Variants in CDADC1 observed in about 807,000 individuals in gnomAD.
The protein encoded by CDADC1 is cytidine and dCMP deaminase domain containing 1.
In CDADC1, 39 loss-of-function variants were observed where a neutral mutation model predicts 54.9. That is an observed-to-expected ratio of 0.71 (90% confidence interval 0.55 to 0.93). The LOEUF is 0.93. Ranked by LOEUF, CDADC1 falls within the 40% of genes least tolerant of loss-of-function variation. CDADC1 has a pLI of 0.00. For synonymous variants in CDADC1, 186 were observed against 204.0 expected (o/e 0.91, Z 0.75); for missense variants, 518 against 618.8 (o/e 0.84, Z 1.73).
intron 9 of CDADC1, among the ~76,000 whole-genome samples, 193 bp downstream of exon 9, chr13:49,286,475 T>C (rs1953517943): frequency 6.6e-6 from 1 of 152,244 alleles, no homozygotes; most frequent in African/African-American, 2.4e-5. Context: ...AAGTGCCGAT[T>C]AATAATTACT....
intron 8 of CDADC1, among the ~76,000 whole-genome samples, chr13:49,282,062 C>A (rs12385878): frequency 0.3 from 44,926 of 151,774 alleles, 6,716 homozygotes; most frequent in East Asian, 0.47. Flanking sequence ...AGGTGATACA[C>A]CGGCCTCGGC....
intron 4 of CDADC1, among the ~76,000 whole-genome samples, chr13:49,264,186 G>A (rs1330631633): frequency 2.0e-5 from 3 of 152,126 alleles, no homozygotes; most frequent in African/African-American, 7.2e-5. Context: ...AATTATTTGG[G>A]TACTTGCTTT....
At chr13:49,255,785 AG>A in intron 2 of CDADC1, 53 bp from the exon 3 acceptor site, 1 of 1,583,976 alleles carries the variant, frequency 6.3e-7, no homozygotes, top group Non-Finnish European at 8.6e-7. Context: ...ATATTGAATT[AG>A]TCATATGTCT....
At chr13:49,262,018 A>G (rs1952697700) in intron 4 of CDADC1, among the ~76,000 whole-genome samples, 1 of 152,200 alleles carries the variant, frequency 6.6e-6, no homozygotes, top group South Asian at 2.1e-4. Flanking sequence ...ACCCCATGCT[A>G]TAGCTAGATT....
At chr13:49,256,091 A>G (rs543225794) in intron 3 of CDADC1, among the ~76,000 whole-genome samples, 178 bp downstream of exon 3, 1 of 147,540 alleles carries the variant, frequency 6.8e-6, no homozygotes, top group East Asian at 2.0e-4. Context: ...AAAAAAAAGT[A>G]CAGATGGGAT....
Position 49,247,956 on chromosome 13 carries a change from A to G in CDADC1, c.-82A>G, listed in dbSNP as rs1439804991. The G allele has an allele frequency of 1.6e-6, 2 of 1,265,316 alleles. No individual in the cohort carries two copies. Among genetic ancestry groups the G allele is most frequent in the Non-Finnish European group, 2.3e-6 (2 of 887,788 alleles). The allele number at this position is 1,265,316 out of a possible 1,614,324, so 78.4% of individuals were successfully genotyped here. The stretch of plus-strand genomic sequence containing the variant: ...CCGTTGCCTTACAGTTGCTGAGAGG[A>G]GGCGAGAGGCGGGGGCGCTAGGGCC... On this transcript the variant is annotated 5_prime_UTR_variant, in exon 1 of 10. Coordinates refer to ENST00000251108, the MANE Select transcript of CDADC1 (RefSeq NM_030911.4).
At chr13:49,291,529 G>T (rs937469150) in intron 9 of CDADC1, among the ~76,000 whole-genome samples, 155 bp from the exon 10 acceptor site, 2 of 152,148 alleles carry the variant, frequency 1.3e-5, no homozygotes, top group African/African-American at 4.8e-5. Context: ...AAGTTATCTA[G>T]ATTGGATTCT....
chr13:49,279,232 T>G (rs761278633), intron 7 of CDADC1, among the ~76,000 whole-genome samples: 18 of 152,216 alleles, frequency 1.2e-4, no homozygotes, highest in Non-Finnish European at 2.2e-4. Context: ...ATAGGGGATA[T>G]GAGACGGCAT....
intron 8 of CDADC1, among the ~76,000 whole-genome samples, chr13:49,285,962 T>C (rs1317728397): frequency 2.0e-5 from 3 of 151,988 alleles, no homozygotes; most frequent in African/African-American, 7.2e-5. Context: ...TACAGGCGCG[T>C]GCCACCACGC....
chr13:49,256,451 G>A (rs1365983902), intron 3 of CDADC1, among the ~76,000 whole-genome samples: 3 of 152,218 alleles, frequency 2.0e-5, no homozygotes, highest in African/African-American at 7.2e-5. Context: ...TACCCCTCAT[G>A]GGGCTTGAGG....
At chr13:49,252,614 T>C (rs1016235051) in intron 2 of CDADC1, among the ~76,000 whole-genome samples, 3 of 152,268 alleles carry the variant, frequency 2.0e-5, no homozygotes, top group African/African-American at 7.2e-5. Flanking sequence ...GAGCATATTG[T>C]ACTCCACTTT....
At position 49,289,797 on chromosome 13, in the gene CDADC1, C is replaced by T. The variant is rs529716797; in HGVS notation, c.1472-1887C>T. ...ATGGTGCTCACACCTATAATCCCAG[C>T]ATATTGGGAGACTGAAGCGGGCCAA... On this transcript the variant is annotated intron_variant, in intron 9 of 9. Coordinates refer to ENST00000251108, the MANE Select transcript of CDADC1 (RefSeq NM_030911.4). Among the ~76,000 whole-genome samples the T allele has an allele frequency of 3.3e-5, 5 of 152,310 alleles. No homozygotes were observed. The South Asian group carries it at 8.3e-4, about 25-fold the overall frequency.
At chr13:49,266,362 T>C (rs918877766) in intron 4 of CDADC1, among the ~76,000 whole-genome samples, 3 of 152,230 alleles carry the variant, frequency 2.0e-5, no homozygotes, top group Non-Finnish European at 4.4e-5. Flanking sequence ...CTTTTACAAA[T>C]TGTCTGTTCG....
At chr13:49,280,321 A>G (rs996498365) in intron 7 of CDADC1, among the ~76,000 whole-genome samples, 188 bp from the exon 8 acceptor site, 1 of 152,204 alleles carries the variant, frequency 6.6e-6, no homozygotes, top group Non-Finnish European at 1.5e-5. Context: ...GTTGTATCAT[A>G]ACACTTTTGT....
At chr13:49,259,276 T>C (rs546357990) in intron 3 of CDADC1, 70 bp from the exon 4 acceptor site, 1 of 1,044,850 alleles carries the variant, frequency 9.6e-7, no homozygotes, top group African/African-American at 1.6e-5. Flanking sequence ...TATTAATAAT[T>C]CAAGTATAAT....
chr13:49,253,160 AATACTGCT>A (rs1258395092), intron 2 of CDADC1, among the ~76,000 whole-genome samples: 3 of 152,226 alleles, frequency 2.0e-5, no homozygotes, highest in Non-Finnish European at 4.4e-5. Flanking sequence ...TTGTATTGGA[AATACTGCT>A]TTTGATACTT....
chr13:49,256,085 A>G (rs1416620935), intron 3 of CDADC1, among the ~76,000 whole-genome samples, 172 bp downstream of exon 3: 3 of 151,252 alleles, frequency 2.0e-5, no homozygotes, highest in Admixed American at 6.6e-5. Flanking sequence ...TTTTAAAAAA[A>G]AAAGTACAGA....
intron 5 of CDADC1, among the ~76,000 whole-genome samples, chr13:49,272,833 T>G (rs1014634120): frequency 3.3e-5 from 5 of 151,986 alleles, no homozygotes; most frequent in African/African-American, 1.2e-4. Flanking sequence ...AATTTTTGTA[T>G]TTTTAGTAGA....
intron 2 of CDADC1, among the ~76,000 whole-genome samples, chr13:49,252,043 A>T (rs1952445560): frequency 6.6e-6 from 1 of 152,240 alleles, no homozygotes; most frequent in African/African-American, 2.4e-5. Context: ...TAACACATAG[A>T]AATGAGTACA....
Sources: allele counts gnomAD v4.1 joint callset (sites outside exome capture counted in the v4.1 genomes callset), GRCh38; gene constraint gnomAD v4.1.1; transcripts MANE v1.5; gene names NCBI Gene and HGNC (gene_info 2026-07-23, HGNC 2026-07-21).